TNKS: variants seen among roughly 807,000 people sequenced by gnomAD.
TNKS encodes the protein tankyrase.
In TNKS, 72 loss-of-function variants were observed where a neutral mutation model predicts 135.8. That is an observed-to-expected ratio of 0.53 (90% CI 0.44 to 0.64). TNKS has a LOEUF of 0.64. Ranked by LOEUF, TNKS falls within the 30% of genes least tolerant of loss-of-function variation. TNKS has a pLI of 0.00. For synonymous variants in TNKS, 849 were observed against 649.3 expected, an observed-to-expected ratio of 1.31 and a Z score of -4.68; for missense variants, 1,769 against 1,674.0, an observed-to-expected ratio of 1.06 and a Z score of -0.99.
intron 3 of TNKS, among the ~76,000 whole-genome samples, chr8:9,665,132 C>T (rs185517918): frequency 4.6e-5 from 7 of 152,298 alleles, no homozygotes; most frequent in East Asian, 1.9e-4. Context: ...TTTTCCTCCC[C>T]TCCTTTTTAA....
At chr8:9,728,561 G>A (rs1805266626) in intron 13 of TNKS, among the ~76,000 whole-genome samples, 1 of 152,232 alleles carries the variant, frequency 6.6e-6, no homozygotes, top group African/African-American at 2.4e-5. Flanking sequence ...GTAAGAACCA[G>A]TGGGGGAAAG....
At chr8:9,661,445 C>G (rs1473602740) in intron 3 of TNKS, among the ~76,000 whole-genome samples, 9 of 152,110 alleles carry the variant, frequency 5.9e-5, no homozygotes, top group Non-Finnish European at 1.2e-4. Context: ...CTACAACTAT[C>G]TGATTTTTGA....
chr8:9,746,880 A>ATTTTTTTTTTT (rs1806262180), intron 17 of TNKS, among the ~76,000 whole-genome samples: 1 of 60,312 alleles, frequency 1.7e-5, no homozygotes, highest in African/African-American at 8.4e-5. Context: ...ACCTACTTAA[A>ATTTTTTTTTTT]CTTTTTTTTT....
At chr8:9,640,372 C>CG (rs1800681098) in intron 3 of TNKS, among the ~76,000 whole-genome samples, 2 of 135,364 alleles carry the variant, frequency 1.5e-5, no homozygotes, top group Admixed American at 1.6e-4. Flanking sequence ...TAAAGTTCCT[C>CG]CCTCTCAATA....
intron 3 of TNKS, among the ~76,000 whole-genome samples, chr8:9,655,502 G>T (rs577420020): frequency 1.3e-5 from 2 of 152,180 alleles, no homozygotes; most frequent in Non-Finnish European, 2.9e-5. Flanking sequence ...CAGTAGGGGC[G>T]CACTGACACT....
At chr8:9,724,107 A>C (rs905333481) in intron 12 of TNKS, among the ~76,000 whole-genome samples, 18 of 152,186 alleles carry the variant, frequency 1.2e-4, no homozygotes, top group African/African-American at 4.1e-4. Context: ...AAGATTGGAG[A>C]CAAAATAAGA....
chr8:9,587,430 C>T (rs371564072), intron 2 of TNKS, among the ~76,000 whole-genome samples: 8 of 149,060 alleles, frequency 5.4e-5, no homozygotes, highest in East Asian at 2.0e-4. Flanking sequence ...AATGGAGTCT[C>T]GCTCTGTCGC....
chr8:9,734,648 C>T (rs928281214), intron 15 of TNKS, among the ~76,000 whole-genome samples: 1 of 152,192 alleles, frequency 6.6e-6, no homozygotes, highest in African/African-American at 2.4e-5. Flanking sequence ...ACTTTATCAT[C>T]ACCATTGATC....
intron 17 of TNKS, among the ~76,000 whole-genome samples, chr8:9,745,801 A>G (rs1806206512): frequency 6.6e-6 from 1 of 152,122 alleles, no homozygotes. Context: ...TTGTTTTTAG[A>G]TAAATGTTCT....
At chr8:9,644,050 T>G (rs769022879) in intron 3 of TNKS, among the ~76,000 whole-genome samples, 5 of 152,192 alleles carry the variant, frequency 3.3e-5, no homozygotes, top group Non-Finnish European at 7.3e-5. Context: ...ATTCCACTTA[T>G]GGAGTTACTT....
chr8:9,734,353 TTA>T (rs1805586153), intron 15 of TNKS, among the ~76,000 whole-genome samples: 1 of 152,166 alleles, frequency 6.6e-6, no homozygotes, highest in South Asian at 2.1e-4. Flanking sequence ...TTTAATACAT[TTA>T]TATCTAATTT....
intron 26 of TNKS, among the ~76,000 whole-genome samples, chr8:9,776,138 G>C (rs1417595898): frequency 6.6e-5 from 10 of 152,296 alleles, no homozygotes; most frequent in Non-Finnish European, 1.5e-4. Flanking sequence ...CCTTTGAGTA[G>C]TCAGTTTTTA....
At chr8:9,708,232 C>A in intron 8 of TNKS, 139 bp from the exon 9 acceptor site, 1 of 718,986 alleles carries the variant, frequency 1.4e-6, no homozygotes, top group Non-Finnish European at 2.1e-6. Context: ...GCATTTTTAT[C>A]ATCATATTAT....
At chr8:9,558,814 C>T (rs1381728184) in intron 1 of TNKS, 1 of 152,090 alleles carries the variant, frequency 6.6e-6, no homozygotes, top group African/African-American at 2.4e-5. Flanking sequence ...TAATAAAATT[C>T]TCGATATGAA....
In TNKS at chr8:9,618,712, A is replaced by G. The variant is rs577153933; in HGVS notation, c.994+3035A>G. Among the ~76,000 whole-genome samples the G allele has an allele frequency of 7.9e-4, 120 of 152,330 alleles. 2 individuals carry two copies. The highest frequency in any genetic ancestry group is 2.8e-3 in the African/African-American group (115 of 41,574). On this transcript the variant is annotated intron_variant, in intron 3 of 26. Transcript: ENST00000310430. ...TTGGCCTTTTCTTTCTGATTGTAAA[A>G]GAAATACATTCATTTGGAAATTGAG...
At chr8:9,759,389 A>T (rs1807023335) in intron 20 of TNKS, among the ~76,000 whole-genome samples, 1 of 152,228 alleles carries the variant, frequency 6.6e-6, no homozygotes, top group South Asian at 2.1e-4. Flanking sequence ...CACACGGGGA[A>T]GGGATTACAG....
intron 5 of TNKS, among the ~76,000 whole-genome samples, chr8:9,698,438 A>G (rs1039161124): frequency 6.6e-6 from 1 of 151,778 alleles, no homozygotes; most frequent in Non-Finnish European, 1.5e-5. Context: ...AATAATAACT[A>G]TCATTTGTTG....
In TNKS at chr8:9,728,246, G is replaced by A. The variant is rs535794352; in HGVS notation, c.2001+1526G>A. ...CACAAATTGAGTGAGAATTAGGCCT[G>A]GTAAATTTCTTCCCCAAGAGACTTT... On this transcript the variant is annotated intron_variant, in intron 13 of 26. Transcript: ENST00000310430. Among the ~76,000 whole-genome samples, 6 of 152,238 alleles carry A rather than the reference G, an allele frequency of 3.9e-5. No individual in the cohort carries two copies. The East Asian group carries it at 1.2e-3, about 29-fold the overall frequency.
chr8:9,773,524 A>ATAAG (rs1285632343), intron 26 of TNKS, among the ~76,000 whole-genome samples: 1 of 152,202 alleles, frequency 6.6e-6, no homozygotes, highest in African/African-American at 2.4e-5. Context: ...TGTTTTAAAT[A>ATAAG]TAAGTTATCT....
Sources: allele counts gnomAD v4.1 joint callset (sites outside exome capture counted in the v4.1 genomes callset), GRCh38; gene constraint gnomAD v4.1.1; transcripts MANE v1.5; gene names NCBI Gene and HGNC (gene_info 2026-07-23, HGNC 2026-07-21).